Variants in CENPP observed in about 807,000 individuals in gnomAD.
CENPP encodes centromere protein P.
A neutral mutation model predicts 35.6 loss-of-function variants in CENPP; 24 were observed. That is an observed-to-expected ratio of 0.67 (90% CI 0.49 to 0.95). CENPP has a LOEUF of 0.95. Ranked by LOEUF, CENPP falls within the 40% of genes least tolerant of loss-of-function variation. The pLI, the probability that CENPP is intolerant of heterozygous loss-of-function variation, is 0.00. For synonymous variants in CENPP, 120 were observed against 125.5 expected, an observed-to-expected ratio of 0.96 and a Z score of 0.29; for missense variants, 332 against 345.3, an observed-to-expected ratio of 0.96 and a Z score of 0.31.
At chr9:92,539,137 G>A (rs956337895) in intron 5 of CENPP, 1 of 152,136 alleles carries the variant, frequency 6.6e-6, no homozygotes, top group East Asian at 1.9e-4. Context: ...ACAATGTTCC[G>A]GTATCTTTAT....
intron 5 of CENPP, among the ~76,000 whole-genome samples, chr9:92,422,091 C>T (rs1843820121): frequency 6.6e-6 from 1 of 151,628 alleles, no homozygotes; most frequent in African/African-American, 2.4e-5. Context: ...CGTGCTGTCA[C>T]CCAGGCTGGA....
intron 2 of CENPP, among the ~76,000 whole-genome samples, chr9:92,333,826 A>G (rs2130781711): frequency 6.6e-6 from 1 of 151,578 alleles, no homozygotes; most frequent in East Asian, 2.0e-4. Context: ...ATTGTTTTCC[A>G]TAGCTATTAG....
In CENPP at chr9:92,619,629, TC is replaced by T; in HGVS notation, c.*6482del. 2 of 1,390,132 alleles carry T rather than the reference TC, an allele frequency of 1.4e-6. No homozygotes were observed. 86.1% of individuals were successfully genotyped at this position (1,390,132 alleles called of 1,614,324 possible). A position where few individuals can be genotyped will look rare whatever the true frequency, so the allele number is the denominator to read the frequency against. On this transcript the variant is annotated 3_prime_UTR_variant, in exon 8 of 8. Coordinates refer to ENST00000375587, the MANE Select transcript of CENPP (RefSeq NM_001012267.3). Reference sequence around the variant, plus strand: ...AAGCCTCTGCCCCCCCACACAACCTTCCTTCCCAGTAGCCAAGTGTGGGAAC... The same window carrying T: ...AAGCCTCTGCCCCCCCACACAACCTTCTTCCCAGTAGCCAAGTGTGGGAAC...
intron 5 of CENPP, chr9:92,393,020 C>A: frequency 7.6e-7 from 1 of 1,321,780 alleles, no homozygotes; most frequent in African/African-American, 1.5e-5. Flanking sequence ...TATATAGAAA[C>A]TTGTGTTTAT....
At chr9:92,462,850 C>A (rs1356309978) in intron 5 of CENPP, among the ~76,000 whole-genome samples, 1 of 152,138 alleles carries the variant, frequency 6.6e-6, no homozygotes, top group Non-Finnish European at 1.5e-5. Context: ...TAGAGCAGAT[C>A]CATCATACAT....
At position 92,334,113 on chromosome 9, in the gene CENPP, AG is replaced by A. The variant is rs1840843485; in HGVS notation, c.289+1763del. ...AATTAAGTGTTACTGCAAAGTAATG[AG>A]AGTAGGGTTTTTTTTTTTTTTTTTG... On this transcript the variant is annotated intron_variant, in intron 2 of 7. Coordinates refer to ENST00000375587, the MANE Select transcript of CENPP (RefSeq NM_001012267.3). Among the ~76,000 whole-genome samples the A allele has an allele frequency of 2.1e-5, 3 of 146,236 alleles. No individual in the cohort carries two copies. In the Admixed American group the frequency reaches 2.1e-4, roughly 10 times the overall value.
At chr9:92,512,081 G>A (rs907464010) in intron 5 of CENPP, 57 of 1,613,764 alleles carry the variant, frequency 3.5e-5, no homozygotes, top group Non-Finnish European at 4.8e-5. Flanking sequence ...TTCCAAATTT[G>A]GTAATCCATT....
intron 5 of CENPP, among the ~76,000 whole-genome samples, chr9:92,432,884 T>A (rs923648147): frequency 6.6e-6 from 1 of 152,100 alleles, no homozygotes; most frequent in Non-Finnish European, 1.5e-5. Flanking sequence ...AGTAGACCCT[T>A]TAATTTGGGG....
intron 5 of CENPP, chr9:92,610,905 A>G (rs1176656722): frequency 2.3e-5 from 5 of 221,460 alleles, no homozygotes; most frequent in Non-Finnish European, 2.7e-5. Flanking sequence ...AAACCGTGAG[A>G]AAACAGCTGC....
chr9:92,416,763 G>A (rs775330693), intron 5 of CENPP: 46 of 1,613,658 alleles, frequency 2.9e-5, no homozygotes, highest in Non-Finnish European at 3.7e-5. Context: ...AGTTTGTTGT[G>A]TGACATTCTT....
rs372190345 is a variant in CENPP at position 92,493,253 on chromosome 9, A to G, written c.564+113394A>G. Reference sequence around the variant, plus strand: ...GTCTGTTCACTTCCTTATCAGTGACATGAAACCCCTAATGAACCCTGTCTG... The same window carrying G: ...GTCTGTTCACTTCCTTATCAGTGACGTGAAACCCCTAATGAACCCTGTCTG... On this transcript the variant is annotated intron_variant, in intron 5 of 7. Transcript: ENST00000375587. 1.1e-3 allele frequency among the ~76,000 whole-genome samples: 165 copies of G among 152,338 alleles called. 1 individual carries two copies. Among genetic ancestry groups the G allele is most frequent in the African/African-American group, 3.4e-3 (143 of 41,570 alleles).
chr9:92,501,153 A>T lies in CENPP; in HGVS notation c.565-110161A>T. 2.5e-6 allele frequency: 3 copies of T among 1,201,372 alleles called. No individual in the cohort carries two copies. In the Admixed American group the frequency reaches 7.3e-5, roughly 29 times the overall value. The allele number at this position is 1,201,372 out of a possible 1,614,324, so 74.4% of individuals were successfully genotyped here. On this transcript the variant is annotated intron_variant, in intron 5 of 7. Coordinates refer to ENST00000375587, the MANE Select transcript of CENPP (RefSeq NM_001012267.3). ...AGTCTCGATGCTGGTCCATTTTCCT[A>T]TAAGCACCCAGTTTGTAGTGATGAT...
chr9:92,520,340 T>C (rs1204160064), intron 5 of CENPP, among the ~76,000 whole-genome samples: 1 of 152,118 alleles, frequency 6.6e-6, no homozygotes, highest in African/African-American at 2.4e-5. Context: ...AAGGAAGATA[T>C]GCAGATAGAC....
At chr9:92,594,068 T>C (rs539338569) in intron 5 of CENPP, among the ~76,000 whole-genome samples, 1 of 152,234 alleles carries the variant, frequency 6.6e-6, no homozygotes, top group African/African-American at 2.4e-5. Context: ...TAATGGAAGA[T>C]GCTAATAACA....
chr9:92,329,441 A>G (rs968140033), intron 1 of CENPP, among the ~76,000 whole-genome samples: 1 of 152,188 alleles, frequency 6.6e-6, no homozygotes, highest in Non-Finnish European at 1.5e-5. Context: ...CCACCTCGGC[A>G]TCCCAAACTT....
chr9:92,407,428 C>T (rs1028478536), intron 5 of CENPP, among the ~76,000 whole-genome samples: 1 of 152,148 alleles, frequency 6.6e-6, no homozygotes, highest in African/African-American at 2.4e-5. Flanking sequence ...TTAGGCAAAG[C>T]CAAAATCTTT....
chr9:92,462,619 G>A (rs1395998779), intron 5 of CENPP, among the ~76,000 whole-genome samples: 3 of 152,114 alleles, frequency 2.0e-5, no homozygotes, highest in Non-Finnish European at 1.5e-5. Flanking sequence ...TTTATGAATA[G>A]CAATAATAGT....
At chr9:92,350,993 G>C (rs1841425963) in intron 4 of CENPP, among the ~76,000 whole-genome samples, 1 of 152,032 alleles carries the variant, frequency 6.6e-6, no homozygotes. Flanking sequence ...AAAATGAGTA[G>C]GTGTGAACTA....
intron 5 of CENPP, among the ~76,000 whole-genome samples, chr9:92,570,257 T>C (rs955938824): frequency 6.6e-5 from 10 of 152,196 alleles, no homozygotes; most frequent in Non-Finnish European, 1.0e-4. Flanking sequence ...GTCCCATCAA[T>C]ACCTAGTCTA....
Sources: gnomAD v4.1 joint callset for allele counts (sites outside exome capture counted in the v4.1 genomes callset) on GRCh38, gnomAD v4.1.1 for gene constraint, MANE v1.5 for transcripts, NCBI Gene and HGNC (gene_info 2026-07-23, HGNC 2026-07-21) for gene names.